SLC9D1: variants seen among roughly 807,000 people sequenced by gnomAD.
SLC9D1 encodes the protein solute carrier family 9 member D1.
At chr13:113,549,531 G>A in the SLC9D1 span, 4 of 1,614,138 alleles carry the variant, frequency 2.5e-6, no homozygotes, top group Non-Finnish European at 3.4e-6. Flanking sequence ...AGACGGTCCA[G>A]CCTCTGATGG....
the SLC9D1 span, among the ~76,000 whole-genome samples, chr13:113,497,858 T>A: frequency 6.6e-6 from 1 of 152,256 alleles, no homozygotes; most frequent in African/African-American, 2.4e-5. Context: ...TAAATTATAT[T>A]GCCAGCATCA....
chr13:113,495,231 G>GC, the SLC9D1 span, among the ~76,000 whole-genome samples: 34 of 152,042 alleles, frequency 2.2e-4, no homozygotes, highest in East Asian at 6.0e-3. Flanking sequence ...AGGCTGCGTC[G>GC]CCCCCCAAAA....
At chr13:113,495,602 C>G in the SLC9D1 span, 1 of 1,544,298 alleles carries the variant, frequency 6.5e-7, no homozygotes, top group Non-Finnish European at 8.7e-7. Flanking sequence ...TGGGAAGAAG[C>G]TTCTTCTGGG....
the SLC9D1 span, chr13:113,502,009 C>G: frequency 1.4e-6 from 1 of 737,580 alleles, no homozygotes; most frequent in South Asian, 1.8e-5. Flanking sequence ...CAAAGATGTC[C>G]TTTCAGGTGT....
chr13:113,520,847 C>G, the SLC9D1 span: 1 of 781,690 alleles, frequency 1.3e-6, no homozygotes, highest in Non-Finnish European at 2.1e-6. Context: ...CTCAGGATTC[C>G]GTGCACAGTC....
the SLC9D1 span, among the ~76,000 whole-genome samples, chr13:113,509,944 A>T: frequency 6.6e-6 from 1 of 152,034 alleles, no homozygotes; most frequent in East Asian, 1.9e-4. Flanking sequence ...TTTTCATCTG[A>T]AAGTGGGGAA....
chr13:113,498,637 C>T, the SLC9D1 span: 1 of 780,710 alleles, frequency 1.3e-6, no homozygotes, highest in South Asian at 2.0e-5. Flanking sequence ...TGAAGACAAA[C>T]TAAAATGCTT....
the SLC9D1 span, among the ~76,000 whole-genome samples, chr13:113,536,074 T>G: frequency 6.6e-6 from 1 of 152,190 alleles, no homozygotes; most frequent in Admixed American, 6.5e-5. Flanking sequence ...AATATATAAT[T>G]ATCTCAAAAT....
At chr13:113,509,017 CGGGCTTGGCGGGTGGGTCCCCTG>C in the SLC9D1 span, among the ~76,000 whole-genome samples, 2 of 124,998 alleles carry the variant, frequency 1.6e-5, no homozygotes, top group Admixed American at 8.3e-5. Context: ...TTGGGACTGG[CGGGCTTGGCGGGTGGGTCCCCTG>C]ACACTGCCTG....
the SLC9D1 span, chr13:113,499,967 G>T: frequency 6.7e-7 from 1 of 1,498,064 alleles, no homozygotes; most frequent in Non-Finnish European, 9.0e-7. Flanking sequence ...GGTCAAGGGG[G>T]TCAATTTTGA....
At chr13:113,537,194 A>G in the SLC9D1 span, among the ~76,000 whole-genome samples, 1 of 152,168 alleles carries the variant, frequency 6.6e-6, no homozygotes, top group Admixed American at 6.5e-5. Flanking sequence ...TTAAAAATTT[A>G]TTTACTGAGA....
At chr13:113,519,987 T>C in the SLC9D1 span, among the ~76,000 whole-genome samples, 1 of 152,238 alleles carries the variant, frequency 6.6e-6, no homozygotes, top group Non-Finnish European at 1.5e-5. Context: ...TCCATGTGTT[T>C]CTGGGACGCA....
At chr13:113,532,544 CAGG>C in the SLC9D1 span, among the ~76,000 whole-genome samples, 3 of 152,084 alleles carry the variant, frequency 2.0e-5, no homozygotes, top group Admixed American at 1.3e-4. Flanking sequence ...GCAGATGGAT[CAGG>C]AGGAGGCCAC....
chr13:113,496,154 A>G, the SLC9D1 span: 97 of 669,570 alleles, frequency 1.4e-4, no homozygotes, highest in East Asian at 2.6e-3. Flanking sequence ...CAGGAAGGGA[A>G]GGCGTGAATG....
the SLC9D1 span, among the ~76,000 whole-genome samples, chr13:113,519,939 A>G: frequency 6.6e-6 from 1 of 152,246 alleles, no homozygotes; most frequent in East Asian, 1.9e-4. Context: ...TACCTGGAGT[A>G]GCTCAGGGAA....
At chr13:113,511,077 G>A in the SLC9D1 span, among the ~76,000 whole-genome samples, 1 of 150,848 alleles carries the variant, frequency 6.6e-6, no homozygotes, top group African/African-American at 2.4e-5. Context: ...AGGCAGGACC[G>A]TGTCCCTGTG....
the SLC9D1 span, among the ~76,000 whole-genome samples, chr13:113,535,823 G>A: frequency 2.0e-5 from 3 of 151,826 alleles, no homozygotes; most frequent in Non-Finnish European, 4.4e-5. This position sits in a 1 kb window ranked among gnomAD's most constrained non-coding sequence, Gnocchi z 4.1. Flanking sequence ...CGCTGTGTCT[G>A]TATCGGCACC....
the SLC9D1 span, chr13:113,548,161 G>T: frequency 1.1e-6 from 1 of 871,704 alleles, no homozygotes; most frequent in Non-Finnish European, 1.8e-6. Flanking sequence ...TGTTTGGAGT[G>T]CTTCTGTGCC....
At chr13:113,548,733 G>A in the SLC9D1 span, among the ~76,000 whole-genome samples, 15 of 152,200 alleles carry the variant, frequency 9.9e-5, no homozygotes, top group African/African-American at 3.1e-4. Context: ...ACTTTTTAAA[G>A]CTGAACTGCC....
Sources: gnomAD v4.1 joint callset for allele counts (sites outside exome capture counted in the v4.1 genomes callset) on GRCh38, gnomAD v4.1.1 for gene constraint, Gnocchi (gnomAD v3.1) non-coding constraint, MANE v1.5 for transcripts, NCBI Gene and HGNC (gene_info 2026-07-23, HGNC 2026-07-21) for gene names.